RNASE4: variants seen among roughly 807,000 people sequenced by gnomAD.
The protein encoded by RNASE4 is ribonuclease 4.
For missense variants in RNASE4, 194 were observed against 192.8 expected, an observed-to-expected ratio of 1.01 and a Z score of -0.04; for synonymous variants, 93 against 71.4, an observed-to-expected ratio of 1.30 and a Z score of -1.52.
At chr14:20,688,380 G>A (rs1886524518) in intron 1 of RNASE4, among the ~76,000 whole-genome samples, 1 of 152,184 alleles carries the variant, frequency 6.6e-6, no homozygotes. Context: ...ATAGTACAGT[G>A]GAAAAGCATC....
At chr14:20,694,292 T>G (rs1056364572) in intron 1 of RNASE4, 8 of 415,096 alleles carry the variant, frequency 1.9e-5, no homozygotes, top group South Asian at 2.8e-5. Context: ...TTTTCTTTTC[T>G]TTTCGTTTTT....
At chr14:20,695,130 G>A (rs1887040277) in intron 1 of RNASE4, among the ~76,000 whole-genome samples, 1 of 152,180 alleles carries the variant, frequency 6.6e-6, no homozygotes, top group Non-Finnish European at 1.5e-5. Flanking sequence ...AGGCGCTGTG[G>A]CTCACGCCTG....
At chr14:20,693,907 C>T in intron 1 of RNASE4, 1 of 1,614,208 alleles carries the variant, frequency 6.2e-7, no homozygotes, top group Non-Finnish European at 8.5e-7. Context: ...CCCCTGGCCT[C>T]CATGCCAGTA....
At position 20,699,607 on chromosome 14, in the gene RNASE4, G is replaced by A. The variant is rs1314241874; in HGVS notation, c.236G>A (p.Trp79Ter). The change falls in exon 2 of 2, where the codon TGG becomes TAG. Residue 79 changes from tryptophan to a stop codon, truncating the protein, a stop_gained. Transcript: ENST00000555835. LOFTEE classifies it low-confidence loss of function (END_TRUNC). ...AACACCTTCATCCATGAAGATATCT[G>A]GAACATTCGTAGTATCTGCAGCACC... ...RFNTFIHEDI[W>*]NIRSICSTTN... The A allele has an allele frequency of 1.2e-6, 2 of 1,614,010 alleles. No homozygotes were observed. Among genetic ancestry groups the A allele is most frequent in the Middle Eastern group, 1.6e-4 (1 of 6,062 alleles).
chr14:20,690,107 C>T (rs1211575963), intron 1 of RNASE4, among the ~76,000 whole-genome samples: 4 of 140,136 alleles, frequency 2.9e-5, no homozygotes, highest in Admixed American at 2.1e-4. Flanking sequence ...CCCAGCTACT[C>T]GGGAGGCTGA....
At position 20,699,418 on chromosome 14, in the gene RNASE4, C is replaced by A. The variant is rs1367622830; in HGVS notation, c.47C>A (p.Thr16Asn). The A allele has an allele frequency of 1.9e-6, 3 of 1,609,390 alleles. 1 individual carries two copies. The highest frequency in any genetic ancestry group is 2.2e-5 in the East Asian group (1 of 44,732). Residue 16 changes from threonine (T) to asparagine (N), a missense_variant, in exon 2 of 2, where the codon ACC becomes AAC. Transcript: ENST00000555835. Reference protein sequence around the residue: ...THSLLLLLLLTLLGLGLVQPS... With the variant: ...THSLLLLLLLNLLGLGLVQPS... Reference sequence around the variant, plus strand: ...TCATTGCTTCTGCTTTTGCTGCTGACCCTGCTGGGGCTGGGGCTGGTCCAG... The same window carrying A: ...TCATTGCTTCTGCTTTTGCTGCTGAACCTGCTGGGGCTGGGGCTGGTCCAG...
chr14:20,699,510 G>A lies in RNASE4; in HGVS notation c.139G>A (p.Gly47Ser), dbSNP rs1475266146. The change falls in exon 2 of 2, where the codon GGT becomes AGT. Residue 47 changes from glycine to serine, a missense_variant. Coordinates refer to ENST00000555835, the MANE Select transcript of RNASE4 (RefSeq NM_002937.5). ...LRQHVHPEET[G>S]GSDRYCNLMM... ...GCAACACGTGCACCCTGAGGAGACA[G>A]GTGGCAGTGATCGCTACTGCAACTT... 2 of 1,614,062 alleles carry A rather than the reference G, an allele frequency of 1.2e-6. No homozygotes were observed. Among genetic ancestry groups the A allele is most frequent in the African/African-American group, 1.3e-5 (1 of 74,932 alleles).
chr14:20,693,003 A>G (rs1455643987), intron 1 of RNASE4, among the ~76,000 whole-genome samples: 4 of 151,378 alleles, frequency 2.6e-5, no homozygotes, highest in Admixed American at 6.6e-5. Context: ...GCCCGCCACT[A>G]CGCCCGGCTA....
intron 1 of RNASE4, among the ~76,000 whole-genome samples, chr14:20,689,172 C>T (rs988302680): frequency 2.0e-5 from 3 of 152,206 alleles, no homozygotes; most frequent in Non-Finnish European, 4.4e-5. Context: ...CCTCCCCCGT[C>T]GTCCACCCCT....
intron 1 of RNASE4, among the ~76,000 whole-genome samples, chr14:20,688,367 T>C (rs1194107742): frequency 6.6e-6 from 1 of 152,228 alleles, no homozygotes; most frequent in Admixed American, 6.5e-5. Context: ...TGATAAATGA[T>C]AAATAGTACA....
At chr14:20,693,281 C>T (rs1886895986) in intron 1 of RNASE4, among the ~76,000 whole-genome samples, 1 of 152,182 alleles carries the variant, frequency 6.6e-6, no homozygotes, top group South Asian at 2.1e-4. Flanking sequence ...AATGTTACGA[C>T]TGATAGAGAA....
At chr14:20,688,922 C>A in intron 1 of RNASE4, 1 of 943,490 alleles carries the variant, frequency 1.1e-6, no homozygotes, top group Non-Finnish European at 1.3e-6. Flanking sequence ...AGCCATCCAT[C>A]CATTTTAATG....
At chr14:20,695,955 A>G (rs2139031894) in intron 1 of RNASE4, among the ~76,000 whole-genome samples, 1 of 152,378 alleles carries the variant, frequency 6.6e-6, no homozygotes, top group Admixed American at 6.5e-5. Context: ...AAAATTTGCC[A>G]TATTACCAAA....
intron 1 of RNASE4, among the ~76,000 whole-genome samples, chr14:20,689,536 T>C (rs1886597588): frequency 6.6e-6 from 1 of 152,360 alleles, no homozygotes; most frequent in South Asian, 2.1e-4. Context: ...ATCTTTTGAA[T>C]ACTGAACATT....
intron 1 of RNASE4, among the ~76,000 whole-genome samples, chr14:20,690,048 T>C (rs1248616164): frequency 6.8e-6 from 1 of 146,280 alleles, no homozygotes; most frequent in Non-Finnish European, 1.5e-5. Flanking sequence ...ACCCCGTCTC[T>C]ACTAAAAATA....
intron 1 of RNASE4, chr14:20,693,371 G>T (rs902916686): frequency 1.8e-4 from 137 of 772,086 alleles, no homozygotes; most frequent in Non-Finnish European, 2.7e-4. Context: ...TAGACGTTCC[G>T]CAGGAAGGGA....
chr14:20,699,352 T>C lies in RNASE4; in HGVS notation c.-17-3T>C, dbSNP rs749980875. On this transcript the variant is annotated splice_polypyrimidine_tract_variant and splice_region_variant and intron_variant, in intron 1 of 1. Transcript: ENST00000555835. ...TTCTCCTGCCCCTTGCTTTCTTTTC[T>C]AGGCACCTCTAAGATACTGATGGCT... 3 of 1,554,010 alleles carry C rather than the reference T, an allele frequency of 1.9e-6. No homozygotes were observed. In the East Asian group the frequency reaches 6.8e-5, roughly 35 times the overall value.
chr14:20,693,804 C>A (rs1566602528), intron 1 of RNASE4: 1 of 1,614,204 alleles, frequency 6.2e-7, no homozygotes, highest in Admixed American at 1.7e-5. Context: ...TCAAGGCCAT[C>A]TGTGAAAACA....
chr14:20,693,970 C>A, intron 1 of RNASE4: 1 of 1,614,134 alleles, frequency 6.2e-7, no homozygotes, highest in Non-Finnish European at 8.5e-7. Flanking sequence ...AAATGGCTTA[C>A]CTGTCCACTT....
Sources: gnomAD v4.1 joint callset for allele counts (sites outside exome capture counted in the v4.1 genomes callset) on GRCh38, gnomAD v4.1.1 for gene constraint, MANE v1.5 for transcripts, NCBI Gene and HGNC (gene_info 2026-07-23, HGNC 2026-07-21) for gene names.